TMCO4: variants seen among roughly 807,000 people sequenced by gnomAD.
The protein encoded by TMCO4 is transmembrane and coiled-coil domain-containing protein 4.
A neutral mutation model predicts 64.7 loss-of-function variants in TMCO4; 58 were observed. That is an observed-to-expected ratio of 0.90 (90% CI 0.73 to 1.12). The LOEUF (loss-of-function observed/expected upper bound fraction) is 1.12. Among genes scored for constraint, TMCO4 ranks in the 50% most tolerant of loss-of-function variants. TMCO4 has a pLI of 0.00. For synonymous variants in TMCO4, 325 were observed against 346.1 expected, an observed-to-expected ratio of 0.94 and a Z score of 0.68; for missense variants, 780 against 825.9, an observed-to-expected ratio of 0.94 and a Z score of 0.68.
At chr1:19,777,026 C>CAAAAAA (rs59722797) in intron 4 of TMCO4, among the ~76,000 whole-genome samples, 28 of 82,676 alleles carry the variant, frequency 3.4e-4, no homozygotes, top group Non-Finnish European at 4.7e-4. Flanking sequence ...GACACTGTCT[C>CAAAAAA]AAAAAAAAAA....
At chr1:19,694,315 T>C in intron 15 of TMCO4, 119 bp downstream of exon 15, 3 of 833,704 alleles carry the variant, frequency 3.6e-6, no homozygotes, top group Non-Finnish European at 5.7e-6. Context: ...AATAAATTCT[T>C]ATGATCTTTC....
chr1:19,701,031 T>C lies in TMCO4; in HGVS notation c.1265-146A>G. ...GGACAATCATGTGCAAATGTGCATG[T>C]ACACACATGCAAACACGCAAACATG... On this transcript the variant is annotated intron_variant, in intron 13 of 15. Coordinates refer to ENST00000294543, the MANE Select transcript of TMCO4 (RefSeq NM_181719.7). 4 of 654,178 alleles carry C rather than the reference T, an allele frequency of 6.1e-6. No individual in the cohort carries two copies. In the South Asian group the frequency reaches 7.6e-5, roughly 12 times the overall value. 40.5% of individuals were successfully genotyped at this position (654,178 alleles called of 1,614,324 possible).
At chr1:19,749,268 A>G (rs1457274875) in intron 7 of TMCO4, among the ~76,000 whole-genome samples, 1 of 152,194 alleles carries the variant, frequency 6.6e-6, no homozygotes, top group Non-Finnish European at 1.5e-5. Context: ...CTGCAGAAAG[A>G]TTATGCATCC....
intron 13 of TMCO4, among the ~76,000 whole-genome samples, chr1:19,704,304 T>A (rs1329975725): frequency 2.0e-5 from 3 of 152,230 alleles, no homozygotes. Context: ...ACATAAAGGC[T>A]ACTTCAGGTG....
intron 2 of TMCO4, among the ~76,000 whole-genome samples, chr1:19,793,027 C>T (rs1176447394): frequency 6.6e-6 from 1 of 152,034 alleles, no homozygotes; most frequent in Non-Finnish European, 1.5e-5. Context: ...ACCTCAGCCT[C>T]CCAAAGTTTT....
chr1:19,759,824 C>G (rs2042419576), intron 6 of TMCO4, among the ~76,000 whole-genome samples: 1 of 152,232 alleles, frequency 6.6e-6, no homozygotes, highest in African/African-American at 2.4e-5. Flanking sequence ...GTCTGTCCCA[C>G]AAGGGCAGCG....
rs765370599 is a variant in TMCO4 at position 19,694,506 on chromosome 1, C to T, written c.1428G>A (p.Gln476=). ...CGGGCTGTAGGCCGGCGACACGGAG[C>T]TGCACCGAGGATGTGCGGTACACGA... ...LSFVYRTSSV[Q]LRVAGLQPVL... is the part of the protein sequence containing the mutation. Residue 476 remains glutamine, a synonymous_variant, in exon 15 of 16, where the codon CAG becomes CAA. Coordinates refer to ENST00000294543, the MANE Select transcript of TMCO4 (RefSeq NM_181719.7). The T allele has an allele frequency of 1.2e-6, 2 of 1,614,126 alleles. No homozygotes were observed. Among genetic ancestry groups the T allele is most frequent in the Admixed American group, 3.3e-5 (2 of 60,024 alleles).
At chr1:19,736,131 C>T (rs942075706) in intron 13 of TMCO4, among the ~76,000 whole-genome samples, 2 of 152,142 alleles carry the variant, frequency 1.3e-5, no homozygotes, top group Non-Finnish European at 2.9e-5. Flanking sequence ...TTTTGGCCAC[C>T]GTGTTTGGAG....
In TMCO4 at chr1:19,739,877, G is replaced by C; in HGVS notation, c.1126C>G (p.Arg376Gly). 2 of 1,613,986 alleles carry C rather than the reference G, an allele frequency of 1.2e-6. No homozygotes were observed. Among genetic ancestry groups the C allele is most frequent in the Non-Finnish European group, 1.7e-6 (2 of 1,179,968 alleles). ...IDNPWGVCLH[R>G]SAEVGKHLAH... is the part of the protein sequence containing the mutation. Reference sequence around the variant, plus strand: ...AGGTGCTTGCCAACCTCTGCTGATCGATGGAGACACACCCCCCAGGGGTTG... The same window carrying C: ...AGGTGCTTGCCAACCTCTGCTGATCCATGGAGACACACCCCCCAGGGGTTG... The change falls in exon 12 of 16, where the codon CGA becomes GGA. Residue 376 changes from arginine to glycine, a missense_variant. Coordinates refer to ENST00000294543, the MANE Select transcript of TMCO4 (RefSeq NM_181719.7).
chr1:19,731,675 T>A (rs1329844003), intron 13 of TMCO4, among the ~76,000 whole-genome samples: 3 of 152,236 alleles, frequency 2.0e-5, no homozygotes, highest in Non-Finnish European at 4.4e-5. Flanking sequence ...TGTGTATTTT[T>A]GTGATCACAA....
intron 13 of TMCO4, among the ~76,000 whole-genome samples, chr1:19,701,680 A>G (rs909454934): frequency 1.3e-5 from 2 of 152,070 alleles, no homozygotes; most frequent in African/African-American, 4.8e-5. Context: ...AGACACCAAT[A>G]TCTTCCTCTG....
chr1:19,794,849 C>A (rs566437157), intron 2 of TMCO4, among the ~76,000 whole-genome samples: 1 of 152,144 alleles, frequency 6.6e-6, no homozygotes, highest in South Asian at 2.1e-4. Flanking sequence ...CGTTACAACA[C>A]GAATGAACCT....
intron 13 of TMCO4, among the ~76,000 whole-genome samples, chr1:19,737,004 C>T (rs1472542563): frequency 6.6e-6 from 1 of 152,146 alleles, no homozygotes; most frequent in Non-Finnish European, 1.5e-5. Flanking sequence ...CTGGCAGCCA[C>T]AAGAAGTTGG....
At chr1:19,712,761 T>G (rs2095337268) in intron 13 of TMCO4, among the ~76,000 whole-genome samples, 1 of 152,170 alleles carries the variant, frequency 6.6e-6, no homozygotes, top group African/African-American at 2.4e-5. Flanking sequence ...CACAGGGACA[T>G]AGAAGGCCAT....
At position 19,774,786 on chromosome 1, in the gene TMCO4, G is replaced by A. The variant is rs569051738; in HGVS notation, c.180-3304C>T. Among the ~76,000 whole-genome samples the A allele has an allele frequency of 4.6e-5, 7 of 152,298 alleles. No homozygotes were observed. The East Asian group carries it at 1.3e-3, about 29-fold the overall frequency. On this transcript the variant is annotated intron_variant, in intron 4 of 15. Coordinates refer to ENST00000294543, the MANE Select transcript of TMCO4 (RefSeq NM_181719.7). ...TACTTAATTCTCACCATGACCCCAT[G>A]AGGAAGGGAGGTACTAGTTAAGGGA...
At position 19,682,987 on chromosome 1, in the gene TMCO4, A is replaced by G. The variant is rs1033037555; in HGVS notation, c.*53T>C. The G allele has an allele frequency of 1.3e-5, 20 of 1,524,804 alleles. No individual in the cohort carries two copies. The highest frequency in any genetic ancestry group is 1.7e-5 in the Non-Finnish European group (19 of 1,139,492). The allele number at this position is 1,524,804 out of a possible 1,614,324, so 94.5% of individuals were successfully genotyped here. On this transcript the variant is annotated 3_prime_UTR_variant, in exon 16 of 16. Transcript: ENST00000294543. ...CTCCTGGGAGGAACCCGAGGGTATA[A>G]GAGAGAGCTGCATATGGAGACTGGG...
intron 6 of TMCO4, among the ~76,000 whole-genome samples, chr1:19,758,866 C>T (rs564711690): frequency 4.6e-5 from 7 of 152,102 alleles, no homozygotes; most frequent in South Asian, 4.2e-4. Context: ...TTTGGGAGGC[C>T]GAGGTGGGCC....
rs2095108969 is a variant in TMCO4, at chr1:19,682,385, G to C, written c.*655C>G. ...AGCATGTATTCACCATGCTCTGTTA[G>C]TGGTGTCCAGATGTTGCATGACGGG... is the stretch of plus-strand genomic sequence containing the variant. On this transcript the variant is annotated 3_prime_UTR_variant, in exon 16 of 16. Coordinates refer to ENST00000294543, the MANE Select transcript of TMCO4 (RefSeq NM_181719.7). The C allele has an allele frequency of 1.9e-6, 1 of 531,256 alleles. No individual in the cohort carries two copies. Among genetic ancestry groups the C allele is most frequent in the South Asian group, 2.6e-5 (1 of 38,092 alleles). The allele number at this position is 531,256 out of a possible 1,614,324, so 32.9% of individuals were successfully genotyped here.
In TMCO4 at chr1:19,771,295, G is replaced by A. The variant is rs377279176; in HGVS notation, c.354+13C>T. ...TACTGTCCCCAGCAGCCACCACCAGGTGTTGGGTGTACCTGAGTGATCACC... is the reference window on the plus strand; with the variant it reads ...TACTGTCCCCAGCAGCCACCACCAGATGTTGGGTGTACCTGAGTGATCACC... On this transcript the variant is annotated intron_variant, in intron 5 of 15. Transcript: ENST00000294543. 2.5e-6 allele frequency: 4 copies of A among 1,611,720 alleles called. No individual in the cohort carries two copies. The highest frequency in any genetic ancestry group is 3.3e-5 in the Admixed American group (2 of 59,936).
Sources: allele counts gnomAD v4.1 joint callset (sites outside exome capture counted in the v4.1 genomes callset), GRCh38; gene constraint gnomAD v4.1.1; transcripts MANE v1.5; gene names NCBI Gene and HGNC (gene_info 2026-07-23, HGNC 2026-07-21).